The following CDC42BPA variants were observed in gnomAD, a reference collection of about 807,000 sequenced individuals.
The protein encoded by CDC42BPA is CDC42 binding protein kinase alpha.
CDC42BPA carries 80 observed loss-of-function variants against 223.5 expected under a neutral mutation model. The observed-to-expected ratio is 0.36, with a 90% confidence interval of 0.30 to 0.43. CDC42BPA has a LOEUF of 0.43. CDC42BPA is among the 20% of genes least tolerant of loss of function. The probability of loss-of-function intolerance (pLI) is 1.00; values close to 1 mark genes in which losing one functional copy is unlikely to be tolerated. For missense variants in CDC42BPA, 1,743 were observed against 2,099.9 expected (o/e 0.83, Z 3.32); for synonymous variants, 694 against 718.6 (o/e 0.97, Z 0.55).
chr1:226,994,327 G>A lies in CDC42BPA; in HGVS notation c.5206C>T (p.Pro1736Ser), dbSNP rs778513565. The A allele has an allele frequency of 6.9e-6, 11 of 1,599,696 alleles. No homozygotes were observed. Among genetic ancestry groups the A allele is most frequent in the Non-Finnish European group, 9.4e-6 (11 of 1,171,924 alleles). ...NLSSPPSPAS[P>S]RKTKSLSLES... ...AGGGAGAGGCTCTTGGTTTTTCGGG[G>A]TGAAGCTGGGCTTGGGGGGCTGCTT... Residue 1736 changes from proline (P) to serine (S), a missense_variant, in exon 37 of 37, where the codon CCC becomes TCC. Transcript: ENST00000366766. The surrounding 1 kb of genome is among the most constrained non-coding windows in gnomAD (Gnocchi z 4.0).
chr1:227,204,401 AAAGAT>A (rs1172263663), intron 3 of CDC42BPA, among the ~76,000 whole-genome samples: 1 of 152,192 alleles, frequency 6.6e-6, no homozygotes, highest in Non-Finnish European at 1.5e-5. Flanking sequence ...CTATGAGTGC[AAAGAT>A]AATAGTCCAA....
rs373414803 is a variant in CDC42BPA, at chr1:227,131,085, T to A, written c.1391-1854A>T. ...CTCTTTTTTAAATAAGGATTTTACA[T>A]GTTGTTCTCTGCTGTTCTTTCCATT... is the stretch of plus-strand genomic sequence containing the variant. On this transcript the variant is annotated intron_variant, in intron 10 of 36. Transcript: ENST00000366766. Among the ~76,000 whole-genome samples the A allele has an allele frequency of 7.9e-5, 12 of 152,344 alleles. No homozygotes were observed. In the East Asian group the frequency reaches 1.5e-3, roughly 20 times the overall value.
At chr1:227,243,221 G>A (rs897746475) in intron 2 of CDC42BPA, among the ~76,000 whole-genome samples, 8 of 151,786 alleles carry the variant, frequency 5.3e-5, no homozygotes. Context: ...ATAACTGATG[G>A]GTACTGAGCT....
At chr1:227,094,328 TA>T (rs1402287247) in intron 15 of CDC42BPA, among the ~76,000 whole-genome samples, 1 of 152,338 alleles carries the variant, frequency 6.6e-6, no homozygotes, top group African/African-American at 2.4e-5. Context: ...ATGTGGGCTC[TA>T]AACTGATGCC....
At chr1:227,066,014 C>T (rs1185420006) in intron 21 of CDC42BPA, among the ~76,000 whole-genome samples, 3 of 152,178 alleles carry the variant, frequency 2.0e-5, no homozygotes, top group South Asian at 2.1e-4. Context: ...AGAGCCTTAC[C>T]GCAAAGGGCA....
chr1:227,138,880 C>G (rs871210), intron 10 of CDC42BPA, among the ~76,000 whole-genome samples: 3 of 151,628 alleles, frequency 2.0e-5, no homozygotes, highest in African/African-American at 7.3e-5. Flanking sequence ...GACCAGAGAA[C>G]GAAAAATGAG....
intron 32 of CDC42BPA, 90 bp from the exon 33 acceptor site, chr1:227,017,140 G>T: frequency 1.7e-6 from 2 of 1,169,582 alleles, no homozygotes; most frequent in Non-Finnish European, 2.4e-6. Context: ...TACAAACATT[G>T]ATAGTACAAG....
chr1:227,009,402 G>T (rs1012692666), intron 34 of CDC42BPA, among the ~76,000 whole-genome samples: 4 of 151,852 alleles, frequency 2.6e-5, no homozygotes, highest in African/African-American at 9.7e-5. Flanking sequence ...TCTTTTATAT[G>T]AAAAGTTATT....
chr1:227,162,658 C>A (rs970367077), intron 5 of CDC42BPA, among the ~76,000 whole-genome samples: 1 of 151,974 alleles, frequency 6.6e-6, no homozygotes, highest in Non-Finnish European at 1.5e-5. Flanking sequence ...CAGTGAGACC[C>A]CTTCTCTACA....
chr1:227,258,176 G>GAAAAAAAAA (rs60156840), intron 1 of CDC42BPA, among the ~76,000 whole-genome samples: 1 of 108,102 alleles, frequency 9.3e-6, no homozygotes, highest in Non-Finnish European at 1.8e-5. Context: ...CCCTGTCCGG[G>GAAAAAAAAA]AAAAAAAAAA....
chr1:227,135,919 C>T (rs1482394455), intron 10 of CDC42BPA, among the ~76,000 whole-genome samples: 1 of 143,748 alleles, frequency 7.0e-6, no homozygotes, highest in Non-Finnish European at 1.5e-5. Flanking sequence ...TAGTCTTGTC[C>T]AAGCTCAATT....
chr1:227,161,321 G>A (rs1181595109), intron 5 of CDC42BPA, among the ~76,000 whole-genome samples: 4 of 152,092 alleles, frequency 2.6e-5, no homozygotes, highest in East Asian at 1.9e-4. Context: ...GATTCTCAGG[G>A]ACTTAACAAT....
Position 227,225,350 on chromosome 1 carries a change from G to C in CDC42BPA, c.271-12131C>G, listed in dbSNP as rs74140143. Among the ~76,000 whole-genome samples the C allele has an allele frequency of 5.7e-3, 870 of 152,142 alleles. 8 individuals are homozygous for C. Among genetic ancestry groups the C allele is most frequent in the African/African-American group, 0.019 (809 of 41,512 alleles). Reference sequence around the variant, plus strand: ...TGATTAATAAGTATTATTTTCATTAGTCAAAAGAGGGAAGCATGAAAGAAA... The same window carrying C: ...TGATTAATAAGTATTATTTTCATTACTCAAAAGAGGGAAGCATGAAAGAAA... On this transcript the variant is annotated intron_variant, in intron 2 of 36. Transcript: ENST00000366766.
chr1:227,313,081 A>G (rs1298781222), intron 1 of CDC42BPA, among the ~76,000 whole-genome samples: 1 of 152,188 alleles, frequency 6.6e-6, no homozygotes, highest in African/African-American at 2.4e-5. Context: ...AAAATAAAGC[A>G]ATACATAAAA....
chr1:227,104,195 C>T (rs1272040150), intron 14 of CDC42BPA, among the ~76,000 whole-genome samples: 2 of 151,958 alleles, frequency 1.3e-5, no homozygotes, highest in South Asian at 2.1e-4. Context: ...ACTTTTTTGG[C>T]CTCTCGTATT....
chr1:227,143,014 G>T lies in CDC42BPA; in HGVS notation c.1154C>A (p.Pro385His), dbSNP rs943979412. The T allele has an allele frequency of 6.6e-7, 1 of 1,524,614 alleles. No homozygotes were observed. The highest frequency in any genetic ancestry group is 1.5e-5 in the African/African-American group (1 of 68,830). 94.4% of individuals were successfully genotyped at this position (1,524,614 alleles called of 1,614,324 possible). A position where few individuals can be genotyped will look rare whatever the true frequency, so the allele number is the denominator to read the frequency against. Residue 385 changes from proline to histidine, a missense_variant, in exon 9 of 37, where the codon CCC becomes CAC. Coordinates refer to ENST00000366766, the MANE Select transcript of CDC42BPA (RefSeq NM_001394014.1). ...AGAAAATGCAGTATGTGTTGGTGGG[G>T]GCATCGTTTCCTAAAGGAGGAAAAA... ...DDCLKNSETM[P>H]PPTHTAFSGH...
chr1:227,146,527 T>C (rs1362603647), intron 7 of CDC42BPA, among the ~76,000 whole-genome samples: 2 of 152,144 alleles, frequency 1.3e-5, no homozygotes, highest in Admixed American at 1.3e-4. Flanking sequence ...TTAAAAAGAA[T>C]AGATTATCAT....
intron 3 of CDC42BPA, among the ~76,000 whole-genome samples, chr1:227,207,146 T>C (rs1256332600): frequency 5.3e-5 from 7 of 132,264 alleles, no homozygotes; most frequent in African/African-American, 1.7e-4. Flanking sequence ...TGTGTTCTCA[T>C]TGTTCAATTC....
At chr1:227,032,938 C>T (rs1056786000) in intron 27 of CDC42BPA, among the ~76,000 whole-genome samples, 2 of 152,188 alleles carry the variant, frequency 1.3e-5, no homozygotes, top group African/African-American at 4.8e-5. Context: ...TTGGTTTAAG[C>T]TACTAAGTTT....
Sources: allele counts gnomAD v4.1 joint callset (sites outside exome capture counted in the v4.1 genomes callset), GRCh38; gene constraint gnomAD v4.1.1; non-coding constraint Gnocchi (gnomAD v3.1); transcripts MANE v1.5; gene names NCBI Gene and HGNC (gene_info 2026-07-23, HGNC 2026-07-21).